The following LOC400499 variants were observed in gnomAD, a reference collection of about 807,000 sequenced individuals.
the LOC400499 span, chr16:11,477,713 G>C: frequency 2.5e-6 from 1 of 396,512 alleles, no homozygotes; most frequent in South Asian, 1.4e-4. Flanking sequence ...GTGTTCTGCA[G>C]AATAGGGATC....
the LOC400499 span, among the ~76,000 whole-genome samples, chr16:11,454,982 T>C: frequency 6.6e-6 from 1 of 151,914 alleles, no homozygotes; most frequent in Non-Finnish European, 1.5e-5. Flanking sequence ...CCAAGAAAAA[T>C]AACAAAACTA....
chr16:11,376,471 T>C, the LOC400499 span, among the ~76,000 whole-genome samples: 2 of 152,204 alleles, frequency 1.3e-5, no homozygotes, highest in Non-Finnish European at 2.9e-5. Flanking sequence ...AATTCAATAG[T>C]CTTGGCATCC....
the LOC400499 span, chr16:11,414,555 C>G: frequency 2.5e-6 from 1 of 399,452 alleles, no homozygotes; most frequent in Non-Finnish European, 4.4e-6. Flanking sequence ...CTTCACCTCC[C>G]TTCCCAGCCC....
chr16:11,377,314 C>T, the LOC400499 span, among the ~76,000 whole-genome samples: 3 of 152,156 alleles, frequency 2.0e-5, no homozygotes, highest in African/African-American at 4.8e-5. Context: ...ATTTTACTGC[C>T]TCCGTTCCAA....
chr16:11,418,903 T>G, the LOC400499 span, among the ~76,000 whole-genome samples: 11 of 152,238 alleles, frequency 7.2e-5, no homozygotes, highest in Admixed American at 7.2e-4. Flanking sequence ...CAGTGGCTCA[T>G]GCCTGGAATC....
the LOC400499 span, among the ~76,000 whole-genome samples, chr16:11,453,965 A>G: frequency 1.3e-5 from 2 of 152,364 alleles, no homozygotes; most frequent in Admixed American, 1.3e-4. Context: ...ACAGACCAAA[A>G]TGACATGTTT....
the LOC400499 span, among the ~76,000 whole-genome samples, chr16:11,388,847 G>A: frequency 2.0e-5 from 3 of 152,238 alleles, no homozygotes; most frequent in East Asian, 5.8e-4. Flanking sequence ...TATAATCCCA[G>A]CACTTTGAGA....
At chr16:11,503,792 C>T in the LOC400499 span, among the ~76,000 whole-genome samples, 5 of 152,200 alleles carry the variant, frequency 3.3e-5, no homozygotes, top group Non-Finnish European at 5.9e-5. Context: ...TTCCTTCCTC[C>T]GGCAGGACCC....
At chr16:11,458,801 G>A in the LOC400499 span, among the ~76,000 whole-genome samples, 8 of 152,040 alleles carry the variant, frequency 5.3e-5, no homozygotes, top group African/African-American at 1.7e-4. Flanking sequence ...TTGGGAGGCT[G>A]AGGTGAGCGG....
At chr16:11,494,559 C>T in the LOC400499 span, 2 of 398,316 alleles carry the variant, frequency 5.0e-6, no homozygotes, top group African/African-American at 4.1e-5. Context: ...GTACTCAGGA[C>T]ACTGGATGTC....
At chr16:11,391,649 C>T in the LOC400499 span, 3 of 1,231,970 alleles carry the variant, frequency 2.4e-6, no homozygotes, top group East Asian at 3.2e-5. Context: ...ATTGAGCCCT[C>T]CCCCTCCCAC....
At chr16:11,496,860 G>A in the LOC400499 span, among the ~76,000 whole-genome samples, 2 of 151,650 alleles carry the variant, frequency 1.3e-5, no homozygotes, top group Admixed American at 1.3e-4. Flanking sequence ...GCATCTCCAG[G>A]TACGTGAGTC....
At chr16:11,488,998 T>A in the LOC400499 span, 40 of 395,590 alleles carry the variant, frequency 1.0e-4, no homozygotes, top group African/African-American at 7.2e-4. Flanking sequence ...TTCTCAGGAG[T>A]CTGGCTACAG....
chr16:11,471,676 G>T, the LOC400499 span: 1 of 399,158 alleles, frequency 2.5e-6, no homozygotes, highest in Non-Finnish European at 4.4e-6. Context: ...GGTATAGGCA[G>T]CTTCCAGCAG....
the LOC400499 span, chr16:11,384,814 C>G: frequency 8.3e-7 from 1 of 1,210,494 alleles, no homozygotes; most frequent in Non-Finnish European, 1.0e-6. Context: ...CCCCTGCCGC[C>G]CTGGAAGCTT....
the LOC400499 span, among the ~76,000 whole-genome samples, chr16:11,473,987 A>G: frequency 3.9e-5 from 6 of 152,136 alleles, no homozygotes; most frequent in Non-Finnish European, 8.8e-5. Context: ...CCAAGTAGCT[A>G]GGACCACTGG....
chr16:11,387,307 G>A, the LOC400499 span: 2 of 1,232,096 alleles, frequency 1.6e-6, no homozygotes, highest in Non-Finnish European at 2.0e-6. Flanking sequence ...TGCAGGGAAT[G>A]CAGAGGACAA....
the LOC400499 span, chr16:11,435,784 G>A: frequency 5.0e-6 from 2 of 399,594 alleles, no homozygotes; most frequent in East Asian, 3.6e-5. Context: ...CCTGGCTGGC[G>A]TCGACCTCCA....
the LOC400499 span, among the ~76,000 whole-genome samples, chr16:11,496,484 G>A: frequency 6.6e-6 from 1 of 152,170 alleles, no homozygotes; most frequent in Non-Finnish European, 1.5e-5. Flanking sequence ...TGTGCATATT[G>A]GTGTGTGCTG....
Sources: allele counts gnomAD v4.1 joint callset (sites outside exome capture counted in the v4.1 genomes callset), GRCh38; gene constraint gnomAD v4.1.1; transcripts MANE v1.5.